PACRG: variants seen among roughly 807,000 people sequenced by gnomAD.
PACRG encodes parkin coregulated gene protein.
Under a neutral mutation model 29.7 loss-of-function variants are expected in PACRG, and 29 were observed. The observed-to-expected ratio is 0.98, with a 90% CI of 0.73 to 1.33. The LOEUF (loss-of-function observed/expected upper bound fraction) is 1.33. Ranked by LOEUF, PACRG falls within the 40% of genes most tolerant of loss-of-function variation. The pLI is 0.00. For synonymous variants in PACRG, 116 were observed against 118.7 expected (o/e 0.98, Z 0.15); for missense variants, 279 against 316.2 (o/e 0.88, Z 0.89).
chr6:162,997,371 G>A (rs1410131048), intron 2 of PACRG: 1 of 449,796 alleles, frequency 2.2e-6, no homozygotes, highest in Non-Finnish European at 4.4e-6. Flanking sequence ...CCTTTTTGTA[G>A]TCAAACCAGC....
intron 2 of PACRG, among the ~76,000 whole-genome samples, chr6:162,852,005 GAGGAAGGAAGGAAGGA>G (rs749750362): frequency 4.3e-5 from 5 of 116,032 alleles, no homozygotes; most frequent in African/African-American, 1.7e-4. Flanking sequence ...GGGAGGGAGG[GAGGAAGGAAGGAAGGA>G]AGGAAGGAAG....
chr6:162,952,893 T>C lies in PACRG; in HGVS notation c.292-109257T>C, dbSNP rs146986513. Among the ~76,000 whole-genome samples the C allele has an allele frequency of 1.1e-4, 16 of 152,312 alleles. No homozygotes were observed. In the East Asian group the frequency reaches 2.9e-3, roughly 28 times the overall value. On this transcript the variant is annotated intron_variant, in intron 2 of 4. Coordinates refer to ENST00000366888, the MANE Select transcript of PACRG (RefSeq NM_001080379.2). Reference sequence around the variant, plus strand: ...TTCGACGTTTTTGCATGTGATATGGTTTTATATCTACTGATAAATATGTGA... The same window carrying C: ...TTCGACGTTTTTGCATGTGATATGGCTTTATATCTACTGATAAATATGTGA...
intron 4 of PACRG, among the ~76,000 whole-genome samples, chr6:163,311,868 T>C (rs1785431401): frequency 2.0e-5 from 3 of 152,230 alleles, no homozygotes; most frequent in Non-Finnish European, 2.9e-5. Context: ...TGCTGCCTTC[T>C]GGGGCAGTGG....
At chr6:162,827,904 C>A (rs1434891836) in intron 2 of PACRG, among the ~76,000 whole-genome samples, 1 of 152,018 alleles carries the variant, frequency 6.6e-6, no homozygotes, top group African/African-American at 2.4e-5. Flanking sequence ...CTTGGGGAAA[C>A]CAGCATATGC....
intron 2 of PACRG, among the ~76,000 whole-genome samples, chr6:162,846,290 A>G (rs1423438325): frequency 6.6e-6 from 1 of 152,216 alleles, no homozygotes; most frequent in African/African-American, 2.4e-5. Flanking sequence ...TAGATTTTAC[A>G]GTGCAGAGCT....
At chr6:163,000,431 C>T (rs181351253) in intron 2 of PACRG, among the ~76,000 whole-genome samples, 283 of 152,296 alleles carry the variant, frequency 1.9e-3, no homozygotes, top group Middle Eastern at 3.4e-3. Flanking sequence ...CCATCACACT[C>T]CCCATACCAG....
At position 163,097,457 on chromosome 6, in the gene PACRG, C is replaced by T. The variant is rs530690698; in HGVS notation, c.613+8049C>T. ...CTTCTGAAACGGTGATGAAAGGTGTCGACAAAAAGAGTCACACTCTGTAAA... is the reference window on the plus strand; with the variant it reads ...CTTCTGAAACGGTGATGAAAGGTGTTGACAAAAAGAGTCACACTCTGTAAA... On this transcript the variant is annotated intron_variant, in intron 4 of 4. Transcript: ENST00000366888. Among the ~76,000 whole-genome samples the T allele has an allele frequency of 9.2e-5, 14 of 152,180 alleles. No homozygotes were observed. The South Asian group carries it at 1.0e-3, about 11-fold the overall frequency.
chr6:163,013,904 A>G (rs1805849194), intron 2 of PACRG, among the ~76,000 whole-genome samples: 1 of 151,212 alleles, frequency 6.6e-6, no homozygotes, highest in Non-Finnish European at 1.5e-5. Context: ...GCTTTTGGTT[A>G]ATTTGAAAAT....
At chr6:163,089,519 A>G in intron 4 of PACRG, 111 bp downstream of exon 4, 5 of 1,306,498 alleles carry the variant, frequency 3.8e-6, no homozygotes, top group Non-Finnish European at 5.2e-6. Flanking sequence ...ATAAACCATG[A>G]TCCATTTGGA....
chr6:163,209,400 C>G (rs1474099929), intron 4 of PACRG, among the ~76,000 whole-genome samples: 1 of 152,162 alleles, frequency 6.6e-6, no homozygotes, highest in East Asian at 1.9e-4. Flanking sequence ...GTAAGTTGAT[C>G]TGGCATTTTA....
chr6:162,865,656 C>G lies in PACRG; in HGVS notation c.291+51375C>G, dbSNP rs530312410. Among the ~76,000 whole-genome samples, 12 of 152,238 alleles carry G rather than the reference C, an allele frequency of 7.9e-5. No individual in the cohort carries two copies. The South Asian group carries it at 2.5e-3, about 32-fold the overall frequency. ...AAGTTTATTTTACACTTCTTGAAGA[C>G]TAAGAACTCCTTGAATTTATTTCAC... On this transcript the variant is annotated intron_variant, in intron 2 of 4. Transcript: ENST00000366888.
chr6:163,231,187 T>C (rs1585353431), intron 4 of PACRG, among the ~76,000 whole-genome samples: 1 of 151,906 alleles, frequency 6.6e-6, no homozygotes, highest in South Asian at 2.1e-4. Flanking sequence ...CTGGCTGGGG[T>C]TTCTCCTGCC....
At chr6:163,150,944 T>A (rs777367138) in intron 4 of PACRG, among the ~76,000 whole-genome samples, 2 of 152,220 alleles carry the variant, frequency 1.3e-5, no homozygotes, top group Non-Finnish European at 2.9e-5. Flanking sequence ...CCCGGGAACT[T>A]CAAAAACCAG....
At chr6:162,979,552 G>A (rs1240888610) in intron 2 of PACRG, among the ~76,000 whole-genome samples, 4 of 152,018 alleles carry the variant, frequency 2.6e-5, no homozygotes, top group Non-Finnish European at 2.9e-5. Context: ...GTCTACTTTC[G>A]CTTTTGTTGT....
chr6:163,290,264 GCA>G (rs1420232831), intron 4 of PACRG, among the ~76,000 whole-genome samples: 15 of 128,868 alleles, frequency 1.2e-4, no homozygotes, highest in Admixed American at 7.1e-4. Context: ...ATGTGCGCAT[GCA>G]CGCGCGCGCG....
At chr6:163,088,924 T>C (rs1005060093) in intron 3 of PACRG, among the ~76,000 whole-genome samples, 3 of 152,162 alleles carry the variant, frequency 2.0e-5, no homozygotes, top group Non-Finnish European at 4.4e-5. Flanking sequence ...CCACATGGGT[T>C]CCTTTAACTC....
intron 2 of PACRG, among the ~76,000 whole-genome samples, chr6:163,034,350 G>C (rs1490377881): frequency 6.6e-6 from 1 of 152,190 alleles, no homozygotes; most frequent in African/African-American, 2.4e-5. Context: ...GAGAATAGCA[G>C]TTAACATCCT....
At chr6:163,224,094 C>T (rs573036000) in intron 4 of PACRG, among the ~76,000 whole-genome samples, 31 of 152,026 alleles carry the variant, frequency 2.0e-4, no homozygotes, top group African/African-American at 7.0e-4. Flanking sequence ...TGGGACCAGG[C>T]GTGGTGGCTC....
In PACRG at chr6:162,747,380, GTATATATATGTATATATATATGTA is replaced by G. The variant is rs1385635265; in HGVS notation, c.156+18999_156+19022del. ...TATATATATACACATACATATATAT[GTATATATATGTATATATATATGTA>G]TATATATATATAACTATAAATATAT... On this transcript the variant is annotated intron_variant, in intron 1 of 4. Coordinates refer to ENST00000366888, the MANE Select transcript of PACRG (RefSeq NM_001080379.2). 6.0e-3 allele frequency among the ~76,000 whole-genome samples: 137 copies of G among 22,984 alleles called. 7 individuals are homozygous for G. The highest frequency in any genetic ancestry group is 0.026 in the African/African-American group (104 of 3,956). 15.1% of individuals were successfully genotyped at this position (22,984 alleles called of 152,430 possible). A position where few individuals can be genotyped will look rare whatever the true frequency, so the allele number is the denominator to read the frequency against.
Sources: allele counts gnomAD v4.1 joint callset (sites outside exome capture counted in the v4.1 genomes callset), GRCh38; gene constraint gnomAD v4.1.1; transcripts MANE v1.5; gene names NCBI Gene and HGNC (gene_info 2026-07-23, HGNC 2026-07-21).